NAV2: variants seen among roughly 807,000 people sequenced by gnomAD.
NAV2 encodes neuron navigator 2, also known as helicase, APC down-regulated 1.
In NAV2, 54 loss-of-function variants were observed where a neutral mutation model predicts 223.2. The ratio of observed to expected loss-of-function variants is 0.24; its 90% confidence interval spans 0.19 to 0.30. The LOEUF (loss-of-function observed/expected upper bound fraction) is 0.30, where lower values mean the gene tolerates loss of function less well. Ranked by LOEUF, NAV2 falls within the 10% of genes least tolerant of loss-of-function variation. NAV2 has a pLI of 1.00. For synonymous variants in NAV2, 1,279 were observed against 1,239.3 expected (o/e 1.03, Z -0.67); for missense variants, 2,806 against 3,147.5 (o/e 0.89, Z 2.60).
At chr11:19,714,739 G>A (rs2050150092) in intron 1 of NAV2, among the ~76,000 whole-genome samples, 2 of 152,266 alleles carry the variant, frequency 1.3e-5, no homozygotes, top group African/African-American at 4.8e-5. Flanking sequence ...AAGAGAATTG[G>A]TGACTCCTAC....
intron 1 of NAV2, among the ~76,000 whole-genome samples, chr11:19,488,986 T>C (rs1263883009): frequency 6.6e-6 from 1 of 152,220 alleles, no homozygotes; most frequent in African/African-American, 2.4e-5. Flanking sequence ...GGACAGACAG[T>C]GACTCAAAGG....
rs770104416 is a variant in NAV2 at position 20,119,769 on chromosome 11, A to T, written c.*1511A>T. 6.6e-6 allele frequency: 1 copy of T among 152,402 alleles called. No homozygotes were observed. Among genetic ancestry groups the T allele is most frequent in the Non-Finnish European group, 1.5e-5 (1 of 68,002 alleles). The allele number at this position is 152,402 out of a possible 1,614,324, so 9.4% of individuals were successfully genotyped here. ...CATTAGGAGAACTCAAGTTGCTGTG[A>T]CTTTTCTCATCCAAAAGACTCATTT... On this transcript the variant is annotated 3_prime_UTR_variant, in exon 38 of 38. Transcript: ENST00000349880.
At chr11:20,006,226 T>A (rs772497407) in intron 11 of NAV2, among the ~76,000 whole-genome samples, 2 of 152,176 alleles carry the variant, frequency 1.3e-5, no homozygotes, top group Non-Finnish European at 2.9e-5. Flanking sequence ...TCATTAGGGT[T>A]TGATTATAGA....
chr11:19,852,229 C>G (rs887704244), intron 3 of NAV2, among the ~76,000 whole-genome samples: 2 of 152,218 alleles, frequency 1.3e-5, no homozygotes, highest in African/African-American at 4.8e-5. Context: ...CTAATACACT[C>G]TGGGATTCAT....
At chr11:19,668,041 C>T (rs2048465866) in intron 1 of NAV2, among the ~76,000 whole-genome samples, 1 of 152,166 alleles carries the variant, frequency 6.6e-6, no homozygotes. Flanking sequence ...CAGGCCCATC[C>T]CACCTATTCT....
In NAV2 at chr11:19,840,236, C is replaced by A. The variant is rs544964278; in HGVS notation, c.386-2635C>A. Among the ~76,000 whole-genome samples the A allele has an allele frequency of 1.0e-3, 154 of 152,188 alleles. 2 individuals are homozygous for A. The Middle Eastern group carries it at 0.01, about 10-fold the overall frequency. On this transcript the variant is annotated intron_variant, in intron 2 of 37. Coordinates refer to ENST00000349880, the MANE Select transcript of NAV2 (RefSeq NM_145117.5). ...AGAGTGGTTATATTTAGGCTTTACC[C>A]CATCAGTTTATTTTGACTTTTGTAA...
intron 1 of NAV2, among the ~76,000 whole-genome samples, chr11:19,380,258 C>T (rs964303144): frequency 9.9e-5 from 15 of 152,212 alleles, no homozygotes; most frequent in Admixed American, 3.9e-4. Flanking sequence ...ACCCATCAAG[C>T]TTGTTACAGT....
At chr11:20,037,877 A>G in intron 12 of NAV2, among the ~76,000 whole-genome samples, 1 of 151,710 alleles carries the variant, frequency 6.6e-6, no homozygotes, top group East Asian at 1.9e-4. Context: ...TATATTCAAG[A>G]TAAGAACAAC....
At chr11:19,552,220 T>G (rs7944698) in intron 1 of NAV2, among the ~76,000 whole-genome samples, 2,380 of 152,290 alleles carry the variant, frequency 0.016, 60 homozygotes, top group African/African-American at 0.055. Flanking sequence ...TTCATTTGCC[T>G]CTTTGCGGTG....
chr11:19,475,349 T>C (rs925877107), intron 1 of NAV2, among the ~76,000 whole-genome samples: 8 of 152,204 alleles, frequency 5.3e-5, no homozygotes, highest in Non-Finnish European at 8.8e-5. Context: ...TTTGAAATCA[T>C]GAAATGCAAA....
intron 1 of NAV2, among the ~76,000 whole-genome samples, chr11:19,627,328 G>A (rs909563871): frequency 1.6e-4 from 24 of 152,170 alleles, no homozygotes; most frequent in African/African-American, 5.3e-4. Flanking sequence ...GGCAGAGATT[G>A]TGGTGAGCCA....
chr11:19,374,309 GTT>G (rs10533713), intron 1 of NAV2, among the ~76,000 whole-genome samples: 17,052 of 124,506 alleles, frequency 0.14, 1,054 homozygotes, highest in Middle Eastern at 0.17. Context: ...TTCCGAAAAG[GTT>G]TTTTTTTTTT....
At chr11:20,095,883 C>T in intron 30 of NAV2, 116 bp downstream of exon 30, 3 of 754,284 alleles carry the variant, frequency 4.0e-6, no homozygotes, top group Non-Finnish European at 7.2e-6. Context: ...TGTCCCCTTC[C>T]CTACATGTTA....
rs2045834567 is a variant in NAV2 at position 19,935,864 on chromosome 11, T to TTTTTTTGTTTTTTTG, written c.2033+1593_2033+1594insGTTTTTTTGTTTTTT. On this transcript the variant is annotated intron_variant, in intron 7 of 37. Transcript: ENST00000349880. ...TGTTTTGTTTCTGTTTTTTTTTTTT[T>TTTTTTTGTTTTTTTG]TTTTTTTTTTTGAGATGGAGTGTCG... Among the ~76,000 whole-genome samples the TTTTTTTGTTTTTTTG allele has an allele frequency of 7.9e-5, 8 of 101,178 alleles. No individual in the cohort carries two copies. The East Asian group carries it at 2.3e-3, about 29-fold the overall frequency. The allele number at this position is 101,178 out of a possible 152,430, so 66.4% of individuals were successfully genotyped here.
intron 1 of NAV2, among the ~76,000 whole-genome samples, chr11:19,408,751 G>A (rs1403496406): frequency 6.6e-6 from 1 of 152,212 alleles, no homozygotes; most frequent in Non-Finnish European, 1.5e-5. Flanking sequence ...GTCACTGCCA[G>A]TGAACGGCAG....
At chr11:19,870,649 G>C (rs1279697308) in intron 4 of NAV2, among the ~76,000 whole-genome samples, 1 of 152,206 alleles carries the variant, frequency 6.6e-6, no homozygotes, top group Non-Finnish European at 1.5e-5. Context: ...TTTGTTGAAA[G>C]AACAAGTACC....
At chr11:19,409,612 T>A (rs1375970196) in intron 1 of NAV2, among the ~76,000 whole-genome samples, 1 of 152,198 alleles carries the variant, frequency 6.6e-6, no homozygotes, top group Non-Finnish European at 1.5e-5. Context: ...CTGTCTGGTC[T>A]GAGCGGCCGT....
chr11:19,682,444 T>C (rs981233594), intron 1 of NAV2, among the ~76,000 whole-genome samples: 1 of 152,160 alleles, frequency 6.6e-6, no homozygotes, highest in Non-Finnish European at 1.5e-5. Context: ...CCAAGCACAT[T>C]GTGAAGTGCT....
intron 1 of NAV2, among the ~76,000 whole-genome samples, chr11:19,556,220 AG>A (rs2044886157): frequency 6.6e-6 from 1 of 152,238 alleles, no homozygotes; most frequent in Non-Finnish European, 1.5e-5. Context: ...CATTTGTAAA[AG>A]TGACAGGTTC....
Sources: allele counts gnomAD v4.1 joint callset (sites outside exome capture counted in the v4.1 genomes callset), GRCh38; gene constraint gnomAD v4.1.1; transcripts MANE v1.5; gene names NCBI Gene and HGNC (gene_info 2026-07-23, HGNC 2026-07-21).